CACNA1E: variants seen among roughly 807,000 people sequenced by gnomAD.
CACNA1E encodes voltage-dependent R-type calcium channel subunit alpha-1E.
In CACNA1E, 40 loss-of-function variants were observed where a neutral mutation model predicts 259.2. The observed-to-expected ratio is 0.15, with a 90% CI of 0.12 to 0.20. CACNA1E has a LOEUF of 0.20. Among genes scored for constraint, CACNA1E ranks in the 10% least tolerant of loss-of-function variants. The probability of loss-of-function intolerance (pLI) is 1.00; values close to 1 mark genes in which losing one functional copy is unlikely to be tolerated. For missense variants in CACNA1E, 1,874 were observed against 3,040.1 expected, an observed-to-expected ratio of 0.62 and a Z score of 9.02; for synonymous variants, 1,104 against 1,138.5, an observed-to-expected ratio of 0.97 and a Z score of 0.61.
chr1:181,444,907 C>T (rs996988903), intron 2 of CACNA1E, among the ~76,000 whole-genome samples: 1 of 152,136 alleles, frequency 6.6e-6, no homozygotes, highest in Non-Finnish European at 1.5e-5. Flanking sequence ...TTCCATTTTT[C>T]CCAGCTGTGG....
At chr1:181,530,715 C>T (rs1206190458) in intron 3 of CACNA1E, among the ~76,000 whole-genome samples, 3 of 152,188 alleles carry the variant, frequency 2.0e-5, no homozygotes, top group Non-Finnish European at 1.5e-5. Flanking sequence ...ACCTTCCTCC[C>T]ATCCCTTCTG....
intron 1 of CACNA1E, among the ~76,000 whole-genome samples, chr1:181,325,393 CA>C (rs1650691959): frequency 1.3e-5 from 2 of 152,142 alleles, no homozygotes; most frequent in Admixed American, 1.3e-4. Flanking sequence ...TTTATTCACT[CA>C]CATGGGAGGG....
At chr1:181,686,057 T>A (rs564454788) in intron 7 of CACNA1E, among the ~76,000 whole-genome samples, 1 of 151,616 alleles carries the variant, frequency 6.6e-6, no homozygotes. Context: ...CCCAGGGTAG[T>A]CTTGACCAAG....
intron 1 of CACNA1E, among the ~76,000 whole-genome samples, chr1:181,360,435 A>G (rs952207710): frequency 2.6e-5 from 4 of 152,370 alleles, no homozygotes; most frequent in Admixed American, 2.6e-4. Flanking sequence ...GTACAGATAC[A>G]TACTGTATCA....
intron 7 of CACNA1E, among the ~76,000 whole-genome samples, chr1:181,681,491 C>T (rs1649967095): frequency 1.3e-5 from 2 of 152,160 alleles, no homozygotes; most frequent in African/African-American, 4.8e-5. Context: ...ATCCTTGATC[C>T]TGTCACACCC....
At chr1:181,741,490 A>G (rs574119329) in intron 25 of CACNA1E, among the ~76,000 whole-genome samples, 1 of 152,330 alleles carries the variant, frequency 6.6e-6, no homozygotes, top group Admixed American at 6.5e-5. Flanking sequence ...GGAAGTACAT[A>G]TTGATGCACA....
intron 2 of CACNA1E, among the ~76,000 whole-genome samples, chr1:181,445,291 T>C (rs1660728226): frequency 6.6e-6 from 1 of 152,230 alleles, no homozygotes; most frequent in South Asian, 2.1e-4. Flanking sequence ...ATACATAATC[T>C]TCCAATTCAA....
intron 1 of CACNA1E, among the ~76,000 whole-genome samples, chr1:181,339,321 CT>C (rs566757566): frequency 1.3e-5 from 2 of 151,800 alleles, no homozygotes; most frequent in South Asian, 2.1e-4. Flanking sequence ...TTATTTATGC[CT>C]TTTTTTCAAT....
chr1:181,486,499 A>G (rs1192242406), intron 1 of CACNA1E, among the ~76,000 whole-genome samples: 1 of 152,198 alleles, frequency 6.6e-6, no homozygotes, highest in African/African-American at 2.4e-5. Flanking sequence ...TTCTAAACAA[A>G]TAACTTCCCA....
At chr1:181,546,890 A>G (rs1215749865) in intron 3 of CACNA1E, among the ~76,000 whole-genome samples, 1 of 152,114 alleles carries the variant, frequency 6.6e-6, no homozygotes, top group East Asian at 1.9e-4. Context: ...TGCATTCTTT[A>G]TGCCTGACAG....
At chr1:181,366,150 A>G (rs1037099801) in intron 1 of CACNA1E, among the ~76,000 whole-genome samples, 6 of 152,110 alleles carry the variant, frequency 3.9e-5, no homozygotes, top group Non-Finnish European at 8.8e-5. Context: ...TCATTTGACT[A>G]TCCTCTCTGA....
chr1:181,424,376 A>G (rs1658999009), intron 2 of CACNA1E, among the ~76,000 whole-genome samples: 1 of 152,244 alleles, frequency 6.6e-6, no homozygotes, highest in African/African-American at 2.4e-5. Context: ...TCCCGGGATT[A>G]GAAAAAAGAG....
intron 1 of CACNA1E, among the ~76,000 whole-genome samples, chr1:181,328,639 G>A (rs2102587930): frequency 6.6e-6 from 1 of 152,258 alleles, no homozygotes; most frequent in South Asian, 2.1e-4. Context: ...GGGGTGAAAT[G>A]TACATGGATT....
intron 3 of CACNA1E, among the ~76,000 whole-genome samples, chr1:181,573,165 G>A (rs1228080917): frequency 6.6e-6 from 1 of 152,248 alleles, no homozygotes; most frequent in Non-Finnish European, 1.5e-5. Flanking sequence ...AGCAATATGA[G>A]GAAAATTTTG....
intron 45 of CACNA1E, among the ~76,000 whole-genome samples, chr1:181,794,102 T>A (rs1661574177): frequency 6.6e-6 from 1 of 152,204 alleles, no homozygotes; most frequent in Non-Finnish European, 1.5e-5. Flanking sequence ...TCCATCCTTT[T>A]TTTGTTTCCT....
At chr1:181,769,049 C>A (rs980548923) in intron 35 of CACNA1E, among the ~76,000 whole-genome samples, 2 of 152,060 alleles carry the variant, frequency 1.3e-5, no homozygotes, top group Non-Finnish European at 2.9e-5. Context: ...GAGAAAGAGC[C>A]CTGTGGCTAC....
chr1:181,634,206 T>TG (rs1656999202), intron 6 of CACNA1E, among the ~76,000 whole-genome samples: 1 of 152,206 alleles, frequency 6.6e-6, no homozygotes, highest in Admixed American at 6.5e-5. Context: ...TTCTTTAAAA[T>TG]GGGGGTGATA....
intron 2 of CACNA1E, among the ~76,000 whole-genome samples, chr1:181,467,764 T>C (rs924243165): frequency 1.3e-5 from 2 of 152,228 alleles, no homozygotes; most frequent in Non-Finnish European, 2.9e-5. Flanking sequence ...GGTCATGATG[T>C]TGATGAGTCC....
chr1:181,630,457 T>TG (rs1208762679), intron 6 of CACNA1E, among the ~76,000 whole-genome samples: 6 of 151,714 alleles, frequency 4.0e-5, no homozygotes, highest in South Asian at 2.1e-4. Flanking sequence ...AGAAAACATT[T>TG]GTCAATTACT....
Sources: gnomAD v4.1 joint callset for allele counts (sites outside exome capture counted in the v4.1 genomes callset) on GRCh38, gnomAD v4.1.1 for gene constraint, MANE v1.5 for transcripts, NCBI Gene and HGNC (gene_info 2026-07-23, HGNC 2026-07-21) for gene names.